SMARCD1: variants seen among roughly 807,000 people sequenced by gnomAD.
SMARCD1 encodes the protein SWI/SNF related BAF chromatin remodeling complex subunit D1, also known as SWI/SNF-related matrix-associated actin-dependent regulator of chromatin subfamily D member 1.
In SMARCD1, 16 loss-of-function variants were observed where a neutral mutation model predicts 70.8. That is an observed-to-expected ratio of 0.23 (90% confidence interval 0.15 to 0.34). SMARCD1 has a LOEUF of 0.34. Ranked by LOEUF, SMARCD1 falls within the 10% of genes least tolerant of loss-of-function variation. The pLI is 1.00. For missense variants in SMARCD1, 409 were observed against 655.5 expected (o/e 0.62, Z 4.11); for synonymous variants, 249 against 246.0 (o/e 1.01, Z -0.11).
chr12:50,099,124 A>G lies in SMARCD1; in HGVS notation c.*124A>G, dbSNP rs779195435. 1 of 826,836 alleles carries G rather than the reference A, an allele frequency of 1.2e-6. No individual in the cohort carries two copies. The highest frequency in any genetic ancestry group is 2.0e-6 in the Non-Finnish European group (1 of 488,592). The allele number at this position is 826,836 out of a possible 1,614,324, so 51.2% of individuals were successfully genotyped here. A position where few individuals can be genotyped will look rare whatever the true frequency, so the allele number is the denominator to read the frequency against. ...CAGGGGATGCTGTTGGTTCAAGGAC[A>G]ACACCAGAATGAAGAGGGTCTCACA... On this transcript the variant is annotated 3_prime_UTR_variant, in exon 13 of 13. Coordinates refer to ENST00000394963, the MANE Select transcript of SMARCD1 (RefSeq NM_003076.5).
In SMARCD1 at chr12:50,087,455, G is replaced by A. The variant is rs777463374; in HGVS notation, c.624G>A (p.Glu208=). 1 of 1,613,970 alleles carries A rather than the reference G, an allele frequency of 6.2e-7. No individual in the cohort carries two copies. Among genetic ancestry groups the A allele is most frequent in the Non-Finnish European group, 8.5e-7 (1 of 1,179,956 alleles). ...EDGEGTVASW[E]LRVEGRLLED... ...GGGAAGGGACGGTGGCTTCCTGGGA[G>A]CTTCGGGTAGAAGGACGGCTCCTGG... Residue 208 remains glutamate (E), a synonymous_variant, in exon 5 of 13, where the codon GAG becomes GAA. Coordinates refer to ENST00000394963, the MANE Select transcript of SMARCD1 (RefSeq NM_003076.5).
chr12:50,086,316 C>T lies in SMARCD1; in HGVS notation c.333C>T (p.Val111=). 6.2e-7 allele frequency: 1 copy of T among 1,607,140 alleles called. No homozygotes were observed. Among genetic ancestry groups the T allele is most frequent in the Non-Finnish European group, 8.5e-7 (1 of 1,176,498 alleles). ...CTGCCCCTCAGCAGATCCAGCAGGT[C>T]CAGCAGCAGGCGGTCCAAAATCGAA... The part of the protein sequence containing the change: ...KRPAPQQIQQ[V]QQQAVQNRNH... Residue 111 remains valine (V), a synonymous_variant, in exon 2 of 13, where the codon GTC becomes GTT. Transcript: ENST00000394963.
rs755116252 is a variant in SMARCD1, at chr12:50,086,209, A to G, written c.226A>G (p.Met76Val). ...CCGAATGACACCTCAGGGACCTTCC[A>G]TGGGACCCCCTGGCTATGGGGGGAA... ...GSRMTPQGPS[M>V]GPPGYGGNPS... The change falls in exon 2 of 13, where the codon ATG becomes GTG. Residue 76 changes from methionine (M) to valine (V), a missense_variant. Around this residue, in one of 2 missense-constraint regions of SMARCD1, gnomAD observed 140 missense variants for 156.9 expected, o/e 0.89. Coordinates refer to ENST00000394963, the MANE Select transcript of SMARCD1 (RefSeq NM_003076.5). The G allele has an allele frequency of 5.6e-6, 9 of 1,605,470 alleles. No homozygotes were observed. The Admixed American group carries it at 1.2e-4, about 21-fold the overall frequency.
chr12:50,096,087 C>T (rs1037096321), intron 10 of SMARCD1, among the ~76,000 whole-genome samples: 2 of 151,998 alleles, frequency 1.3e-5, no homozygotes, highest in East Asian at 1.9e-4. Flanking sequence ...CCATGTGAGA[C>T]GTGTTGAGGC....
rs1950876427 is a variant in SMARCD1, at chr12:50,094,653, A to G, written c.1269+81A>G. The G allele has an allele frequency of 2.9e-6, 4 of 1,392,780 alleles. No homozygotes were observed. In the African/African-American group the frequency reaches 5.8e-5, roughly 20 times the overall value. The allele number at this position is 1,392,780 out of a possible 1,614,324, so 86.3% of individuals were successfully genotyped here. ...GGCCTCCTTTTGATTCTTAGTGTTC[A>G]TTCAAAATACGGTGACACCCAGTAT... On this transcript the variant is annotated intron_variant, in intron 10 of 12. Transcript: ENST00000394963.
intron 9 of SMARCD1, among the ~76,000 whole-genome samples, chr12:50,092,235 CT>C (rs60619880): frequency 1.9e-3 from 170 of 91,138 alleles, no homozygotes; most frequent in East Asian, 2.2e-3. Flanking sequence ...TTCTTTCTTT[CT>C]TTTTTTTTTT....
chr12:50,092,413 G>A (rs186961288), intron 9 of SMARCD1, among the ~76,000 whole-genome samples: 1 of 150,866 alleles, frequency 6.6e-6, no homozygotes, highest in Non-Finnish European at 1.5e-5. Flanking sequence ...TAGTAGAGAC[G>A]GGGTTTTACC....
Position 50,085,417 on chromosome 12 carries a change from C to G in SMARCD1, c.48C>G (p.Ala16=). The G allele has an allele frequency of 8.0e-7, 1 of 1,252,620 alleles. No individual in the cohort carries two copies. The highest frequency in any genetic ancestry group is 1.5e-5 in the African/African-American group (1 of 65,014). 77.6% of individuals were successfully genotyped at this position (1,252,620 alleles called of 1,614,324 possible). A position where few individuals can be genotyped will look rare whatever the true frequency, so the allele number is the denominator to read the frequency against. ...AGTCTGTGGCTCCAAGCGGCGGCGC[C>G]GGAGCCTCAGGAGGGGCGGGCGCGG... is the stretch of plus-strand genomic sequence containing the variant. ...GFQSVAPSGG[A]GASGGAGAAA... is the part of the protein sequence containing the mutation. The change falls in exon 1 of 13, where the codon GCC becomes GCG. Residue 16 remains alanine (A), a synonymous_variant. Coordinates refer to ENST00000394963, the MANE Select transcript of SMARCD1 (RefSeq NM_003076.5).
chr12:50,100,426 T>G lies in SMARCD1; in HGVS notation c.*1426T>G, dbSNP rs1043625015. The G allele has an allele frequency of 6.7e-6, 1 of 148,514 alleles. No homozygotes were observed. Among genetic ancestry groups the G allele is most frequent in the African/African-American group, 2.5e-5 (1 of 40,072 alleles). The allele number at this position is 148,514 out of a possible 1,614,324, so 9.2% of individuals were successfully genotyped here. A position where few individuals can be genotyped will look rare whatever the true frequency, so the allele number is the denominator to read the frequency against. ...TCTCCCCGTCTTCCCCTTCCTGCCA[T>G]TTTCCCTCCCTTGAAAGGTTGACAC... On this transcript the variant is annotated 3_prime_UTR_variant, in exon 13 of 13. Transcript: ENST00000394963.
At position 50,086,265 on chromosome 12, in the gene SMARCD1, A is replaced by G. The variant is rs763636743; in HGVS notation, c.282A>G (p.Ser94=). The G allele has an allele frequency of 6.2e-7, 1 of 1,613,230 alleles. No homozygotes were observed. The change falls in exon 2 of 13, where the codon TCA becomes TCG. Residue 94 remains serine, a synonymous_variant. Coordinates refer to ENST00000394963, the MANE Select transcript of SMARCD1 (RefSeq NM_003076.5). Reference sequence around the variant, plus strand: ...CAGTCCGACCTGGCCTGGCCCAGTCAGGGATGGATCAGTCCCGCAAGAGAC... The same window carrying G: ...CAGTCCGACCTGGCCTGGCCCAGTCGGGGATGGATCAGTCCCGCAAGAGAC... ...NPSVRPGLAQ[S]GMDQSRKRPA...
At chr12:50,095,819 G>A (rs553409637) in intron 10 of SMARCD1, among the ~76,000 whole-genome samples, 5 of 152,184 alleles carry the variant, frequency 3.3e-5, no homozygotes, top group East Asian at 1.9e-4. Flanking sequence ...ATAGAGTGCC[G>A]AGGACGGGAT....
At chr12:50,091,734 GC>G (rs1950845732) in intron 9 of SMARCD1, among the ~76,000 whole-genome samples, 2 of 151,908 alleles carry the variant, frequency 1.3e-5, no homozygotes, top group South Asian at 4.1e-4. Flanking sequence ...CTGCTACCAT[GC>G]CCAGCTAATT....
At chr12:50,086,100 C>G in intron 1 of SMARCD1, 61 bp from the exon 2 acceptor site, 1 of 1,299,624 alleles carries the variant, frequency 7.7e-7, no homozygotes, top group South Asian at 2.1e-5. Context: ...CCCTGCTTTT[C>G]TTTCTTGATG....
At chr12:50,086,698 G>A in intron 3 of SMARCD1, 35 bp downstream of exon 3, 2 of 1,613,998 alleles carry the variant, frequency 1.2e-6, no homozygotes, top group South Asian at 1.1e-5. Context: ...GGAAAGTGTG[G>A]TGAGTTTGAG....
Position 50,090,297 on chromosome 12 carries a change from G to A in SMARCD1, c.930G>A (p.Gln310=), listed in dbSNP as rs762619827. 8 of 1,614,096 alleles carry A rather than the reference G, an allele frequency of 5.0e-6. No homozygotes were observed. In the South Asian group the frequency reaches 8.8e-5, roughly 18 times the overall value. The stretch of plus-strand genomic sequence containing the variant: ...CTCGACTCCTGGGCATCCATACCCA[G>A]ACTCGTCCAGTGATCATCCAAGCAC... The part of the protein sequence containing the change: ...RLARLLGIHT[Q]TRPVIIQALW... The change falls in exon 8 of 13, where the codon CAG becomes CAA. Residue 310 remains glutamine, a synonymous_variant. Coordinates refer to ENST00000394963, the MANE Select transcript of SMARCD1 (RefSeq NM_003076.5).
At chr12:50,088,236 G>T in intron 5 of SMARCD1, 1 of 701,936 alleles carries the variant, frequency 1.4e-6, no homozygotes, top group South Asian at 1.5e-5. Flanking sequence ...AACTCGCTTA[G>T]TTATGTGCAA....
chr12:50,094,011 A>G (rs578066720), intron 9 of SMARCD1, among the ~76,000 whole-genome samples: 2 of 152,106 alleles, frequency 1.3e-5, no homozygotes, highest in South Asian at 2.1e-4. Flanking sequence ...TTGGCCTCCC[A>G]AAGTGCTGGG....
At chr12:50,085,792 G>T (rs78073502) in intron 1 of SMARCD1, 3 of 398,300 alleles carry the variant, frequency 7.5e-6, no homozygotes, top group Non-Finnish European at 1.3e-5. Context: ...AGGGATACCT[G>T]TATGAGGGCC....
chr12:50,086,372 GA>G, intron 2 of SMARCD1, 24 bp downstream of exon 2: 1 of 1,159,568 alleles, frequency 8.6e-7, no homozygotes, highest in Non-Finnish European at 1.3e-6. Flanking sequence ...GGGGCAGAGG[GA>G]GGGAGGGAGG....
Sources: gnomAD v4.1 joint callset for allele counts (sites outside exome capture counted in the v4.1 genomes callset) on GRCh38, gnomAD v4.1.1 for gene constraint, gnomAD v4.1.1 regional missense constraint, MANE v1.5 for transcripts, NCBI Gene and HGNC (gene_info 2026-07-23, HGNC 2026-07-21) for gene names.